SLC35F1: variants seen among roughly 807,000 people sequenced by gnomAD.
The protein encoded by SLC35F1 is solute carrier family 35 member F1.
In SLC35F1, 14 loss-of-function variants were observed where a neutral mutation model predicts 48.7. That is an observed-to-expected ratio of 0.29 (90% CI 0.19 to 0.45). The LOEUF (loss-of-function observed/expected upper bound fraction) is 0.45, where lower values mean the gene tolerates loss of function less well. SLC35F1 is among the 20% of genes least tolerant of loss of function. The pLI is 1.00. For missense variants in SLC35F1, 404 were observed against 500.0 expected (o/e 0.81, Z 1.83); for synonymous variants, 190 against 202.2 (o/e 0.94, Z 0.51).
chr6:118,180,252 A>G (rs1441788054), intron 2 of SLC35F1, among the ~76,000 whole-genome samples: 1 of 152,124 alleles, frequency 6.6e-6, no homozygotes, highest in Non-Finnish European at 1.5e-5. Context: ...GATCCTCTGG[A>G]AGAATGCATT....
chr6:118,065,628 A>G (rs1772603668), intron 1 of SLC35F1, among the ~76,000 whole-genome samples: 1 of 152,244 alleles, frequency 6.6e-6, no homozygotes, highest in South Asian at 2.1e-4. Flanking sequence ...GCTATCAAAA[A>G]AAGAAAAGAT....
chr6:117,954,690 A>T (rs1776407541), intron 1 of SLC35F1, among the ~76,000 whole-genome samples: 1 of 152,230 alleles, frequency 6.6e-6, no homozygotes. Flanking sequence ...GTTCTACTGC[A>T]TCCTAACATT....
intron 2 of SLC35F1, among the ~76,000 whole-genome samples, chr6:118,164,895 C>T (rs1274620227): frequency 6.6e-6 from 1 of 152,184 alleles, no homozygotes; most frequent in Non-Finnish European, 1.5e-5. Context: ...TCAGTGGCCA[C>T]TGTGAGAGAA....
intron 1 of SLC35F1, among the ~76,000 whole-genome samples, chr6:118,083,109 T>G (rs1018268354): frequency 2.0e-5 from 3 of 152,208 alleles, no homozygotes; most frequent in African/African-American, 4.8e-5. Flanking sequence ...TGATTAAACT[T>G]TGTAATCTGT....
intron 1 of SLC35F1, among the ~76,000 whole-genome samples, chr6:118,069,899 G>C (rs564912042): frequency 1.1e-4 from 16 of 152,102 alleles, no homozygotes; most frequent in African/African-American, 3.9e-4. Context: ...CACTTTGGGA[G>C]GCCGAGGCGG....
chr6:118,034,712 C>T (rs922589476), intron 1 of SLC35F1, among the ~76,000 whole-genome samples: 1 of 152,138 alleles, frequency 6.6e-6, no homozygotes, highest in Non-Finnish European at 1.5e-5. Flanking sequence ...TTTGTTTCAC[C>T]TGTGACTGTA....
chr6:117,934,852 A>G (rs1776145070), intron 1 of SLC35F1, among the ~76,000 whole-genome samples: 1 of 152,196 alleles, frequency 6.6e-6, no homozygotes, highest in South Asian at 2.1e-4. Flanking sequence ...CTCGCCTGTC[A>G]TCCCAGAACT....
At chr6:118,180,609 A>G (rs1774560920) in intron 2 of SLC35F1, among the ~76,000 whole-genome samples, 1 of 152,126 alleles carries the variant, frequency 6.6e-6, no homozygotes, top group African/African-American at 2.4e-5. Flanking sequence ...TGATTCTACT[A>G]AAGAGAGAAT....
chr6:118,296,705 G>A (rs559233434), intron 7 of SLC35F1, among the ~76,000 whole-genome samples: 1 of 152,146 alleles, frequency 6.6e-6, no homozygotes, highest in Non-Finnish European at 1.5e-5. Context: ...AAGATTGAAC[G>A]GGCTAGAGGT....
At chr6:118,163,642 T>C (rs1274726514) in intron 2 of SLC35F1, among the ~76,000 whole-genome samples, 1 of 152,224 alleles carries the variant, frequency 6.6e-6, no homozygotes, top group Non-Finnish European at 1.5e-5. Context: ...AGAGCTAGCA[T>C]AGAGAAATAC....
chr6:118,084,126 G>A (rs1772950881), intron 1 of SLC35F1, among the ~76,000 whole-genome samples: 1 of 152,180 alleles, frequency 6.6e-6, no homozygotes, highest in Admixed American at 6.5e-5. Flanking sequence ...TGGCTAATAA[G>A]TCCTTGCTCT....
At position 117,907,882 on chromosome 6, in the gene SLC35F1, C is replaced by T. The variant is rs1775712302; in HGVS notation, c.156C>T (p.Ile52=). 1 of 1,492,848 alleles carries T rather than the reference C, an allele frequency of 6.7e-7. No homozygotes were observed. The highest frequency in any genetic ancestry group is 1.4e-5 in the African/African-American group (1 of 69,106). The allele number at this position is 1,492,848 out of a possible 1,614,324, so 92.5% of individuals were successfully genotyped here. A position where few individuals can be genotyped will look rare whatever the true frequency, so the allele number is the denominator to read the frequency against. ...CCCGGGCTGGCGTGCGCCAGAGGATCCGCAAAGTGCTGAACAGGTGAGCGG... is the reference window on the plus strand; with the variant it reads ...CCCGGGCTGGCGTGCGCCAGAGGATTCGCAAAGTGCTGAACAGGTGAGCGG... ...ASSRAGVRQR[I]RKVLNREMLI... Residue 52 remains isoleucine, a synonymous_variant, in exon 1 of 8, where the codon ATC becomes ATT. Transcript: ENST00000360388.
intron 7 of SLC35F1, among the ~76,000 whole-genome samples, chr6:118,299,128 C>A (rs57321823): frequency 0.1 from 15,145 of 152,020 alleles, 767 homozygotes; most frequent in East Asian, 0.16. Flanking sequence ...CTGCAGTGAG[C>A]CATGATCACA....
chr6:118,249,784 G>T (rs1218454422), intron 3 of SLC35F1, among the ~76,000 whole-genome samples: 2 of 152,090 alleles, frequency 1.3e-5, no homozygotes, highest in African/African-American at 4.8e-5. Context: ...TTCTGAGTTG[G>T]GGCCGTTTCT....
At position 118,314,299 on chromosome 6, in the gene SLC35F1, T is replaced by C. The variant is rs778475025; in HGVS notation, c.*47T>C. 1.3e-6 allele frequency: 2 copies of C among 1,549,844 alleles called. No individual in the cohort carries two copies. The highest frequency in any genetic ancestry group is 8.9e-7 in the Non-Finnish European group (1 of 1,123,280). On this transcript the variant is annotated 3_prime_UTR_variant, in exon 8 of 8. Transcript: ENST00000360388. ...TGAGGCCAACTCATTGGCCATGTTT[T>C]TGCCCATCATCTCTGTATTGTACAT...
intron 4 of SLC35F1, among the ~76,000 whole-genome samples, chr6:118,273,167 G>T (rs1775879055): frequency 6.6e-6 from 1 of 152,018 alleles, no homozygotes; most frequent in Non-Finnish European, 1.5e-5. Context: ...TACTGAATTG[G>T]TGAAAACTCA....
chr6:118,001,176 A>G (rs905715898), intron 1 of SLC35F1, among the ~76,000 whole-genome samples: 1 of 152,268 alleles, frequency 6.6e-6, no homozygotes, highest in South Asian at 2.1e-4. Context: ...AGCTGGAGGC[A>G]TCACACTACC....
chr6:118,016,767 A>G (rs867656149), intron 1 of SLC35F1, among the ~76,000 whole-genome samples: 16 of 152,196 alleles, frequency 1.1e-4, no homozygotes, highest in African/African-American at 3.9e-4. Context: ...CTTCTCATCC[A>G]AAAGCTTCTT....
At chr6:117,983,310 C>T (rs1776806087) in intron 1 of SLC35F1, among the ~76,000 whole-genome samples, 1 of 152,134 alleles carries the variant, frequency 6.6e-6, no homozygotes, top group Admixed American at 6.5e-5. Context: ...CATTTGGTGG[C>T]TCCCGCCTAT....
Sources: gnomAD v4.1 joint callset for allele counts (sites outside exome capture counted in the v4.1 genomes callset) on GRCh38, gnomAD v4.1.1 for gene constraint, MANE v1.5 for transcripts, NCBI Gene and HGNC (gene_info 2026-07-23, HGNC 2026-07-21) for gene names.